The following ZNF391 variants were observed in gnomAD, a reference collection of about 807,000 sequenced individuals.
ZNF391 encodes the protein zinc finger protein 391.
For missense variants in ZNF391, 375 were observed against 425.5 expected, an observed-to-expected ratio of 0.88 and a Z score of 1.04; for synonymous variants, 126 against 142.1, an observed-to-expected ratio of 0.89 and a Z score of 0.80.
At chr6:27,379,397 T>A (rs112207301) in intron 1 of ZNF391, among the ~76,000 whole-genome samples, 2,584 of 152,298 alleles carry the variant, frequency 0.017, 45 homozygotes, top group African/African-American at 0.044. Flanking sequence ...GAGCACAGTA[T>A]TTTTTGTGAT....
chr6:27,378,107 G>A (rs1761444779), intron 1 of ZNF391, among the ~76,000 whole-genome samples: 1 of 152,166 alleles, frequency 6.6e-6, no homozygotes, highest in African/African-American at 2.4e-5. Context: ...TATATAACTT[G>A]TTTCCAAATA....
intron 1 of ZNF391, among the ~76,000 whole-genome samples, chr6:27,398,921 T>TGA (rs1761889985): frequency 6.6e-6 from 1 of 152,050 alleles, no homozygotes; most frequent in Non-Finnish European, 1.5e-5. Flanking sequence ...CTGGGAAGCT[T>TGA]GAGATCTTTG....
intron 1 of ZNF391, among the ~76,000 whole-genome samples, chr6:27,381,465 G>C (rs1052168223): frequency 1.3e-5 from 2 of 152,258 alleles, no homozygotes; most frequent in African/African-American, 2.4e-5. Context: ...CAAGCTGAGG[G>C]AGCCGGCTCC....
chr6:27,382,017 A>AG (rs1761516962), intron 1 of ZNF391, among the ~76,000 whole-genome samples: 1 of 140,790 alleles, frequency 7.1e-6, no homozygotes, highest in African/African-American at 2.7e-5. Flanking sequence ...CCTGGGCAAC[A>AG]GAGCAAGACT....
chr6:27,377,621 C>T (rs546101266), intron 1 of ZNF391, among the ~76,000 whole-genome samples: 3 of 152,312 alleles, frequency 2.0e-5, no homozygotes, highest in Non-Finnish European at 2.9e-5. Context: ...CTTTCCAGAC[C>T]GAACCAATGT....
chr6:27,393,728 C>T (rs767852327), intron 1 of ZNF391, among the ~76,000 whole-genome samples: 74 of 152,152 alleles, frequency 4.9e-4, no homozygotes, highest in Non-Finnish European at 6.9e-4. Context: ...ATGTTTGTGA[C>T]AAAAATGCTG....
intron 1 of ZNF391, among the ~76,000 whole-genome samples, chr6:27,381,057 C>G (rs548305655): frequency 6.6e-6 from 1 of 152,280 alleles, no homozygotes; most frequent in Non-Finnish European, 1.5e-5. Flanking sequence ...AGTCCCGCGC[C>G]GTGCGCCCAC....
rs1246460068 is a variant in ZNF391, at chr6:27,394,074, GA to G, written c.-188+5008del. Among the ~76,000 whole-genome samples the G allele has an allele frequency of 3.9e-4, 58 of 150,512 alleles. 1 individual carries two copies. In the South Asian group the frequency reaches 0.011, roughly 29 times the overall value. On this transcript the variant is annotated intron_variant, in intron 1 of 2. Coordinates refer to ENST00000244576, the MANE Select transcript of ZNF391 (RefSeq NM_001076781.3). ...AAGTTTGGAAAATTTGCAGAGGAAA[GA>G]AAAAAAAAGCTTTTTCAGCAGAGAA...
rs1762000673 is a variant in ZNF391 at position 27,402,680 on chromosome 6, T to C, written c.*1233T>C. ...GTGCAATGGCACAATCATAGCTCACTGTAGCCTTGAACTTCTGGGCTCCTG... is the reference window on the plus strand; with the variant it reads ...GTGCAATGGCACAATCATAGCTCACCGTAGCCTTGAACTTCTGGGCTCCTG... On this transcript the variant is annotated 3_prime_UTR_variant, in exon 3 of 3. Transcript: ENST00000244576. The C allele has an allele frequency of 6.6e-6, 1 of 152,268 alleles. No individual in the cohort carries two copies. Among genetic ancestry groups the C allele is most frequent in the African/African-American group, 2.4e-5 (1 of 41,442 alleles). 9.4% of individuals were successfully genotyped at this position (152,268 alleles called of 1,614,324 possible). A position where few individuals can be genotyped will look rare whatever the true frequency, so the allele number is the denominator to read the frequency against.
chr6:27,400,833 C>T lies in ZNF391; in HGVS notation c.463C>T (p.His155Tyr). 1 of 1,614,190 alleles carries T rather than the reference C, an allele frequency of 6.2e-7. No individual in the cohort carries two copies. The highest frequency in any genetic ancestry group is 2.2e-5 in the East Asian group (1 of 44,886). ...CAGCCGAAGTACACACCTTATTGAA[C>T]ATCAAAGAACTCACACTGGAGAGAA... is the stretch of plus-strand genomic sequence containing the variant. ...SFSRSTHLIE[H>Y]QRTHTGEKPY... The change falls in exon 3 of 3, where the codon CAT becomes TAT. Residue 155 changes from histidine (H) to tyrosine (Y), a missense_variant. Coordinates refer to ENST00000244576, the MANE Select transcript of ZNF391 (RefSeq NM_001076781.3).
At chr6:27,383,900 G>T (rs1761543963), upstream of ZNF391, among the ~76,000 whole-genome samples, 1 of 152,034 alleles carries the variant, frequency 6.6e-6, no homozygotes, top group Non-Finnish European at 1.5e-5. Context: ...GAGGAGTAAA[G>T]ATAAGATTTA....
upstream of ZNF391, among the ~76,000 whole-genome samples, chr6:27,384,034 G>A (rs1561808373): frequency 6.6e-6 from 1 of 152,180 alleles, no homozygotes; most frequent in Non-Finnish European, 1.5e-5. Flanking sequence ...AAAAGTTGAG[G>A]AAAAATAAAG....
rs764580029 is a variant in ZNF391 at position 27,401,352 on chromosome 6, A to G, written c.982A>G (p.Thr328Ala). Residue 328 changes from threonine to alanine, a missense_variant, in exon 3 of 3, where the codon ACC becomes GCC. Coordinates refer to ENST00000244576, the MANE Select transcript of ZNF391 (RefSeq NM_001076781.3). The part of the protein sequence containing the change: ...SSLIIHQRTH[T>A]GEKPYKCNDC... ...CCTTATTATTCATCAGAGAACTCAT[A>G]CCGGGGAGAAGCCGTACAAATGTAA... is the stretch of plus-strand genomic sequence containing the variant. The G allele has an allele frequency of 1.2e-6, 2 of 1,614,074 alleles. No individual in the cohort carries two copies. The highest frequency in any genetic ancestry group is 1.7e-6 in the Non-Finnish European group (2 of 1,180,022).
rs1561815907 is a variant in ZNF391, at chr6:27,401,980, C to T, written c.*533C>T. On this transcript the variant is annotated 3_prime_UTR_variant, in exon 3 of 3. Transcript: ENST00000244576. ...CAGAGCAGGACTGAAAACTTCTCAC[C>T]AGTCTGGGGATAATAGTGTTGAGGC... is the stretch of plus-strand genomic sequence containing the variant. The T allele has an allele frequency of 6.6e-6, 1 of 152,416 alleles. No homozygotes were observed. The highest frequency in any genetic ancestry group is 1.5e-5 in the Non-Finnish European group (1 of 68,222). The allele number at this position is 152,416 out of a possible 1,614,324, so 9.4% of individuals were successfully genotyped here.
intron 1 of ZNF391, among the ~76,000 whole-genome samples, chr6:27,397,640 T>G (rs1432737158): frequency 1.3e-5 from 2 of 152,162 alleles, no homozygotes; most frequent in Non-Finnish European, 2.9e-5. Flanking sequence ...TTGGATCTTT[T>G]TTTGTGTGAG....
rs1400243328 is a variant in ZNF391, at chr6:27,388,885, C to A, written c.-378C>A. On this transcript the variant is annotated 5_prime_UTR_variant, in exon 1 of 3. Coordinates refer to ENST00000244576, the MANE Select transcript of ZNF391 (RefSeq NM_001076781.3). ...CAGCAGCAGTCTGAGTGGAAGAGTG[C>A]CTGTGATCTTAGGGAACCTGATGGG... The A allele has an allele frequency of 2.2e-6, 1 of 456,056 alleles. No homozygotes were observed. The highest frequency in any genetic ancestry group is 2.4e-5 in the Admixed American group (1 of 42,392). 28.3% of individuals were successfully genotyped at this position (456,056 alleles called of 1,614,324 possible).
chr6:27,403,043 C>T lies in ZNF391; in HGVS notation c.*1596C>T, dbSNP rs1762009812. On this transcript the variant is annotated 3_prime_UTR_variant, in exon 3 of 3. Coordinates refer to ENST00000244576, the MANE Select transcript of ZNF391 (RefSeq NM_001076781.3). ...TAATAATTGATTTCTTTCTCTCTTT[C>T]TACTGCTGCTTCCAAGTTCTTGGTA... The T allele has an allele frequency of 6.6e-6, 1 of 152,098 alleles. No individual in the cohort carries two copies. Among genetic ancestry groups the T allele is most frequent in the South Asian group, 2.1e-4 (1 of 4,820 alleles). The allele number at this position is 152,098 out of a possible 1,614,324, so 9.4% of individuals were successfully genotyped here. A position where few individuals can be genotyped will look rare whatever the true frequency, so the allele number is the denominator to read the frequency against.
In ZNF391 at chr6:27,381,671, G is replaced by T. The variant is rs1581524761; in HGVS notation, n.523+6534G>T. ...GGAGGATTGCTTGACCCAGGAGGAG[G>T]AGGCTGCAGTGAGCCATGACCGTGC... is the stretch of plus-strand genomic sequence containing the variant. On this transcript the variant is annotated intron_variant and non_coding_transcript_variant, in intron 1 of 2. Transcript: ENST00000477999. 3.3e-5 allele frequency among the ~76,000 whole-genome samples: 5 copies of T among 152,346 alleles called. No individual in the cohort carries two copies. The South Asian group carries it at 1.0e-3, about 32-fold the overall frequency.
At chr6:27,398,838 A>G (rs1349927383) in intron 1 of ZNF391, among the ~76,000 whole-genome samples, 2 of 152,018 alleles carry the variant, frequency 1.3e-5, no homozygotes, top group East Asian at 1.9e-4. Context: ...GAGCCTGGGC[A>G]ACAGAGCGAG....
Sources: gnomAD v4.1 joint callset for allele counts (sites outside exome capture counted in the v4.1 genomes callset) on GRCh38, gnomAD v4.1.1 for gene constraint, MANE v1.5 for transcripts, NCBI Gene and HGNC (gene_info 2026-07-23, HGNC 2026-07-21) for gene names.